Variants in PCM1 observed in about 807,000 individuals in gnomAD.
PCM1 encodes the protein pericentriolar material 1 protein.
In PCM1, 157 loss-of-function variants were observed where a neutral mutation model predicts 241.9. The ratio of observed to expected loss-of-function variants is 0.65; its 90% confidence interval spans 0.57 to 0.74. The LOEUF (loss-of-function observed/expected upper bound fraction) is 0.74. PCM1 is among the 30% of genes least tolerant of loss of function. PCM1 has a pLI of 0.00. For missense variants in PCM1, 3,478 were observed against 2,360.1 expected, an observed-to-expected ratio of 1.47 and a Z score of -9.81; for synonymous variants, 1,085 against 784.9, an observed-to-expected ratio of 1.38 and a Z score of -6.39.
rs755111670 is a variant in PCM1, at chr8:17,940,018, A to G, written c.783+157A>G. The G allele has an allele frequency of 1.1e-5, 16 of 1,449,306 alleles. No homozygotes were observed. The South Asian group carries it at 1.2e-4, about 11-fold the overall frequency. The allele number at this position is 1,449,306 out of a possible 1,614,324, so 89.8% of individuals were successfully genotyped here. On this transcript the variant is annotated intron_variant, in intron 6 of 38. Transcript: ENST00000325083. The stretch of plus-strand genomic sequence containing the variant: ...TATTGCCCATTTTAATAGTTGTATG[A>G]TTTATACCGCTAAAATATTTCAGGC...
rs753817760 is a variant in PCM1, at chr8:18,014,553, C to T, written c.5585-31C>T. On this transcript the variant is annotated intron_variant, in intron 35 of 38. Transcript: ENST00000325083. ...GTAAAATTTAACATTTTTTGCATTACACTAATGTTAAGACTTTCTTTTGAT... is the reference window on the plus strand; with the variant it reads ...GTAAAATTTAACATTTTTTGCATTATACTAATGTTAAGACTTTCTTTTGAT... The T allele has an allele frequency of 2.4e-5, 37 of 1,548,748 alleles. No homozygotes were observed. In the South Asian group the frequency reaches 2.7e-4, roughly 11 times the overall value.
rs2094337116 is a variant in PCM1, at chr8:18,027,730, T to C, written c.*68T>C. On this transcript the variant is annotated 3_prime_UTR_variant, in exon 39 of 39. Coordinates refer to ENST00000325083, the MANE Select transcript of PCM1 (RefSeq NM_006197.4). ...ATGCATATATGAAAACAATACTAAA[T>C]AAACATCTGATCTGTATAAAAATGT... 5 of 1,123,520 alleles carry C rather than the reference T, an allele frequency of 4.5e-6. No homozygotes were observed. The East Asian group carries it at 9.6e-5, about 22-fold the overall frequency. The allele number at this position is 1,123,520 out of a possible 1,614,324, so 69.6% of individuals were successfully genotyped here.
rs78385137 is a variant in PCM1 at position 17,962,281 on chromosome 8, G to A, written c.2463+107G>A. The A allele has an allele frequency of 6.8e-3, 6,225 of 911,676 alleles. 37 individuals carry two copies. The highest frequency in any genetic ancestry group is 0.019 in the Middle Eastern group (82 of 4,272). The allele number at this position is 911,676 out of a possible 1,614,324, so 56.5% of individuals were successfully genotyped here. A position where few individuals can be genotyped will look rare whatever the true frequency, so the allele number is the denominator to read the frequency against. On this transcript the variant is annotated intron_variant, in intron 16 of 38. Coordinates refer to ENST00000325083, the MANE Select transcript of PCM1 (RefSeq NM_006197.4). ...AGGAAACTGAATATCCTTGAAACAT[G>A]TTTGTAAATAGTAGTCTGCTTTGTG... is the stretch of plus-strand genomic sequence containing the variant.
chr8:17,999,535 A>C (rs2088403501), intron 29 of PCM1, among the ~76,000 whole-genome samples: 1 of 151,992 alleles, frequency 6.6e-6, no homozygotes, highest in African/African-American at 2.4e-5. Flanking sequence ...GGTATCCAAG[A>C]TACAACACAA....
chr8:18,005,721 T>G (rs2091102968), intron 29 of PCM1, among the ~76,000 whole-genome samples: 1 of 152,240 alleles, frequency 6.6e-6, no homozygotes, highest in South Asian at 2.1e-4. Context: ...CATTTCAGAA[T>G]GTCTAAAGGT....
chr8:18,014,320 A>AAT (rs1554770743), intron 35 of PCM1, among the ~76,000 whole-genome samples: 6 of 151,812 alleles, frequency 4.0e-5, no homozygotes, highest in Middle Eastern at 3.4e-3. Context: ...TTAAAAAAAA[A>AAT]ATCTATTTGT....
At chr8:17,965,377 G>C (rs2074432982) in intron 18 of PCM1, among the ~76,000 whole-genome samples, 1 of 152,182 alleles carries the variant, frequency 6.6e-6, no homozygotes, top group South Asian at 2.1e-4. Context: ...GCTTGTTACG[G>C]ATAACAAAAG....
At chr8:17,963,412 CTGT>C (rs1342125356) in intron 17 of PCM1, 121 bp downstream of exon 17, 1 of 637,472 alleles carries the variant, frequency 1.6e-6, no homozygotes, top group Admixed American at 3.6e-5. Flanking sequence ...AGTGAGGCTA[CTGT>C]TTAACTACCA....
intron 7 of PCM1, among the ~76,000 whole-genome samples, chr8:17,950,175 T>C (rs940996264): frequency 5.3e-5 from 8 of 152,176 alleles, no homozygotes; most frequent in African/African-American, 9.7e-5. Flanking sequence ...GTTTAACATA[T>C]TTACTATTTC....
At chr8:17,981,329 C>A (rs1306354125) in intron 24 of PCM1, among the ~76,000 whole-genome samples, 1 of 152,216 alleles carries the variant, frequency 6.6e-6, no homozygotes, top group African/African-American at 2.4e-5. Flanking sequence ...ACTCTTAATA[C>A]AATTTTAATT....
At chr8:18,016,179 C>T (rs1038142041) in intron 36 of PCM1, among the ~76,000 whole-genome samples, 4 of 152,140 alleles carry the variant, frequency 2.6e-5, no homozygotes, top group Non-Finnish European at 2.9e-5. Flanking sequence ...TGAGCCACCG[C>T]ACCCAGCTGG....
intron 29 of PCM1, among the ~76,000 whole-genome samples, chr8:17,994,626 A>G (rs1024491405): frequency 1.2e-4 from 18 of 152,208 alleles, no homozygotes; most frequent in African/African-American, 3.6e-4. Flanking sequence ...ACTGTTCTCC[A>G]GAGGGGTTGT....
At chr8:17,933,928 CT>C (rs2059723387) in intron 2 of PCM1, among the ~76,000 whole-genome samples, 1 of 151,566 alleles carries the variant, frequency 6.6e-6, no homozygotes, top group Non-Finnish European at 1.5e-5. Context: ...ACTTTCAACT[CT>C]TTAGAGAATT....
At chr8:17,944,542 T>C (rs1429838656) in intron 6 of PCM1, among the ~76,000 whole-genome samples, 3 of 152,158 alleles carry the variant, frequency 2.0e-5, no homozygotes, top group Non-Finnish European at 4.4e-5. Context: ...AAGTTATTTT[T>C]TTAATCTGTA....
At position 17,977,294 on chromosome 8, in the gene PCM1, G is replaced by C. The variant is rs139689741; in HGVS notation, c.3944-3297G>C. On this transcript the variant is annotated intron_variant, in intron 23 of 38. Coordinates refer to ENST00000325083, the MANE Select transcript of PCM1 (RefSeq NM_006197.4). ...TTTTCAGTAAATTTCATGCAGACTC[G>C]GTGGCAGAGGCTAAACTTTAGTTTG... is the stretch of plus-strand genomic sequence containing the variant. Among the ~76,000 whole-genome samples, 12 of 152,002 alleles carry C rather than the reference G, an allele frequency of 7.9e-5. No homozygotes were observed. The East Asian group carries it at 2.3e-3, about 29-fold the overall frequency.
At chr8:17,991,206 T>G (rs1230273693) in intron 27 of PCM1, among the ~76,000 whole-genome samples, 2 of 152,204 alleles carry the variant, frequency 1.3e-5, no homozygotes, top group Non-Finnish European at 2.9e-5. Context: ...TCACTTGTAT[T>G]GTTTAAATGA....
intron 29 of PCM1, among the ~76,000 whole-genome samples, chr8:18,000,282 A>G (rs1031678037): frequency 2.6e-5 from 4 of 152,184 alleles, no homozygotes; most frequent in African/African-American, 9.7e-5. Flanking sequence ...GCAAGGGCTA[A>G]TTGTATAAAA....
chr8:17,974,801 T>A (rs2078100984), intron 23 of PCM1, among the ~76,000 whole-genome samples: 1 of 150,888 alleles, frequency 6.6e-6, no homozygotes, highest in East Asian at 1.9e-4. Flanking sequence ...AAATGTACAG[T>A]CACATTTGCT....
intron 23 of PCM1, among the ~76,000 whole-genome samples, chr8:17,974,551 A>G (rs938748615): frequency 7.9e-5 from 12 of 152,180 alleles, no homozygotes; most frequent in African/African-American, 2.7e-4. Flanking sequence ...TTGTGTTGCC[A>G]GTATTGGTCT....
Sources: gnomAD v4.1 joint callset for allele counts (sites outside exome capture counted in the v4.1 genomes callset) on GRCh38, gnomAD v4.1.1 for gene constraint, MANE v1.5 for transcripts, NCBI Gene and HGNC (gene_info 2026-07-23, HGNC 2026-07-21) for gene names.